VWA3B: variants seen among roughly 807,000 people sequenced by gnomAD.
VWA3B encodes the protein von Willebrand factor A domain containing 3B, also known as von Willebrand factor A domain-containing protein 3B.
A neutral mutation model predicts 158.3 loss-of-function variants in VWA3B; 138 were observed. The observed-to-expected ratio is 0.87, with a 90% CI of 0.76 to 1.00. The LOEUF is 1.00. Ranked by LOEUF, VWA3B falls within the 50% of genes least tolerant of loss-of-function variation. The probability of loss-of-function intolerance (pLI) is 0.00; values close to 1 mark genes in which losing one functional copy is unlikely to be tolerated. For synonymous variants in VWA3B, 596 were observed against 587.3 expected, an observed-to-expected ratio of 1.01 and a Z score of -0.21; for missense variants, 1,555 against 1,565.1, an observed-to-expected ratio of 0.99 and a Z score of 0.11.
intron 24 of VWA3B, among the ~76,000 whole-genome samples, chr2:98,298,443 T>TATTCTATTCTATTCC (rs1409392020): frequency 8.2e-6 from 1 of 121,626 alleles, no homozygotes; most frequent in Non-Finnish European, 1.8e-5. Flanking sequence ...TATTCTATTC[T>TATTCTATTCTATTCC]ATGCCATGCC....
intron 26 of VWA3B, among the ~76,000 whole-genome samples, chr2:98,304,938 C>T (rs564326530): frequency 6.6e-5 from 10 of 152,238 alleles, no homozygotes; most frequent in South Asian, 2.1e-4. Context: ...ATAGACTCAA[C>T]GTCCCCACTC....
intron 22 of VWA3B, among the ~76,000 whole-genome samples, chr2:98,272,739 A>G (rs1428918760): frequency 6.6e-6 from 1 of 152,152 alleles, no homozygotes; most frequent in Non-Finnish European, 1.5e-5. Context: ...GTATATCTAT[A>G]TGCCATATAA....
At chr2:98,302,057 C>G (rs1400847277) in intron 25 of VWA3B, among the ~76,000 whole-genome samples, 1 of 152,310 alleles carries the variant, frequency 6.6e-6, no homozygotes, top group Non-Finnish European at 1.5e-5. Context: ...TCGTGTCACC[C>G]TCAGGGAGTA....
chr2:98,278,391 G>C (rs1688659468), intron 22 of VWA3B, among the ~76,000 whole-genome samples: 1 of 152,214 alleles, frequency 6.6e-6, no homozygotes. Context: ...TAGTGTTGCT[G>C]TCCACAGATG....
chr2:98,127,606 G>GT (rs1491073425), intron 5 of VWA3B, among the ~76,000 whole-genome samples: 3 of 70,518 alleles, frequency 4.3e-5, no homozygotes, highest in East Asian at 4.5e-4. Context: ...GGGGGGGGGG[G>GT]GTGTGTCCTG....
At chr2:98,162,067 G>A (rs1195976750) in intron 7 of VWA3B, among the ~76,000 whole-genome samples, 1 of 152,070 alleles carries the variant, frequency 6.6e-6, no homozygotes, top group Non-Finnish European at 1.5e-5. Flanking sequence ...AGCATGGCTG[G>A]GACCTTGACT....
chr2:98,213,180 A>G (rs2105560779), intron 13 of VWA3B, among the ~76,000 whole-genome samples: 1 of 152,306 alleles, frequency 6.6e-6, no homozygotes, highest in East Asian at 1.9e-4. Flanking sequence ...GTGTGGAAAT[A>G]TGTGGGGGGC....
At chr2:98,234,133 T>A (rs893520984) in intron 16 of VWA3B, among the ~76,000 whole-genome samples, 6 of 152,318 alleles carry the variant, frequency 3.9e-5, no homozygotes, top group African/African-American at 1.4e-4. Context: ...GACACGTCAC[T>A]CTCATGACCA....
chr2:98,229,359 G>A (rs563862991), intron 15 of VWA3B, among the ~76,000 whole-genome samples: 9 of 152,362 alleles, frequency 5.9e-5, no homozygotes, highest in East Asian at 5.8e-4. Flanking sequence ...CATGGAACCC[G>A]GGGCAGGTGC....
At chr2:98,177,804 C>G (rs115226780) in intron 8 of VWA3B, among the ~76,000 whole-genome samples, 1 of 151,908 alleles carries the variant, frequency 6.6e-6, no homozygotes, top group Non-Finnish European at 1.5e-5. Flanking sequence ...AGGATTGGTT[C>G]GAATGTGTTT....
intron 22 of VWA3B, among the ~76,000 whole-genome samples, chr2:98,286,394 G>A (rs1689169149): frequency 6.6e-6 from 1 of 152,082 alleles, no homozygotes; most frequent in African/African-American, 2.4e-5. Flanking sequence ...CATGTTTACT[G>A]TAGGCTTTTC....
intron 25 of VWA3B, among the ~76,000 whole-genome samples, chr2:98,301,394 CCT>C (rs1052748289): frequency 1.3e-5 from 2 of 151,622 alleles, no homozygotes; most frequent in African/African-American, 2.4e-5. Context: ...TGCTTCACCC[CCT>C]GAGACTCAGT....
rs141377056 is a variant in VWA3B, at chr2:98,230,537, C to A, written c.2308+330C>A. ...TGTGTATGTGTGTGTGTGTGTCTGA[C>A]AGTGTGTGTTTAGGTCTACACGGTT... On this transcript the variant is annotated intron_variant, in intron 16 of 27. Transcript: ENST00000477737. Among the ~76,000 whole-genome samples the A allele has an allele frequency of 3.3e-4, 50 of 152,070 alleles. 1 individual carries two copies. The East Asian group carries it at 6.8e-3, about 21-fold the overall frequency.
At chr2:98,298,422 CTATTCTATTCTATTCT>C (rs1689961208) in intron 24 of VWA3B, among the ~76,000 whole-genome samples, 1 of 151,404 alleles carries the variant, frequency 6.6e-6, no homozygotes, top group African/African-American at 2.4e-5. Context: ...CTATTCTATT[CTATTCTATTCTATTCT>C]ATTCTATGCC....
intron 8 of VWA3B, among the ~76,000 whole-genome samples, chr2:98,177,913 G>A (rs1223523278): frequency 6.6e-6 from 1 of 151,970 alleles, no homozygotes; most frequent in Non-Finnish European, 1.5e-5. Flanking sequence ...GGTATAATAA[G>A]GTGTGTGTTG....
chr2:98,133,963 G>T, intron 7 of VWA3B, 24 bp downstream of exon 7: 1 of 1,601,920 alleles, frequency 6.2e-7, no homozygotes, highest in South Asian at 1.1e-5. Context: ...AAAAGAAGTG[G>T]TGTAGCTTAT....
chr2:98,089,858 A>T (rs6711299), intron 1 of VWA3B, among the ~76,000 whole-genome samples: 1 of 151,782 alleles, frequency 6.6e-6, no homozygotes, highest in South Asian at 2.1e-4. Context: ...ATATGAGTGC[A>T]AAAGGGACTG....
At chr2:98,088,056 C>A (rs1287049892) in intron 1 of VWA3B, among the ~76,000 whole-genome samples, 1 of 152,122 alleles carries the variant, frequency 6.6e-6, no homozygotes, top group African/African-American at 2.4e-5. Flanking sequence ...CACAGCCAAG[C>A]CTTGTCCCTT....
At chr2:98,154,511 C>T (rs1164689296) in intron 7 of VWA3B, among the ~76,000 whole-genome samples, 2 of 152,160 alleles carry the variant, frequency 1.3e-5, no homozygotes, top group African/African-American at 2.4e-5. Context: ...CAGGGAACCC[C>T]TCTGTTCCCA....
Sources: gnomAD v4.1 joint callset for allele counts (sites outside exome capture counted in the v4.1 genomes callset) on GRCh38, gnomAD v4.1.1 for gene constraint, MANE v1.5 for transcripts, NCBI Gene and HGNC (gene_info 2026-07-23, HGNC 2026-07-21) for gene names.